The following MATCAP2 variants were observed in gnomAD, a reference collection of about 807,000 sequenced individuals.
MATCAP2 encodes the protein putative tyrosine carboxypeptidase MATCAP2.
the MATCAP2 span, among the ~76,000 whole-genome samples, chr7:36,352,860 GT>G: frequency 2.0e-5 from 3 of 151,250 alleles, no homozygotes; most frequent in East Asian, 5.9e-4. Context: ...TTTGTAGTTA[GT>G]AAATTACGAC....
At chr7:36,335,318 G>A in the MATCAP2 span, 2 of 803,964 alleles carry the variant, frequency 2.5e-6, no homozygotes, top group South Asian at 1.6e-5. Context: ...AAACCAAGAA[G>A]GAATGTGCAG....
chr7:36,380,219 A>G, the MATCAP2 span, among the ~76,000 whole-genome samples: 1 of 152,216 alleles, frequency 6.6e-6, no homozygotes. Flanking sequence ...TCAGGAATGA[A>G]CAGCAGGTGA....
At chr7:36,328,193 C>T in the MATCAP2 span, among the ~76,000 whole-genome samples, 5 of 143,536 alleles carry the variant, frequency 3.5e-5, no homozygotes, top group Non-Finnish European at 4.5e-5. Context: ...TTTAGCCTCC[C>T]TACAGACATG....
chr7:36,329,081 G>A, the MATCAP2 span, among the ~76,000 whole-genome samples: 58 of 151,970 alleles, frequency 3.8e-4, no homozygotes, highest in African/African-American at 1.3e-3. Context: ...AAGAACTCAT[G>A]TTCATATTAT....
chr7:36,357,624 TAAC>T, the MATCAP2 span: 1 of 1,480,062 alleles, frequency 6.8e-7, no homozygotes, highest in Non-Finnish European at 9.2e-7. Context: ...ACAAAAGAAA[TAAC>T]AAAGATACCA....
At chr7:36,328,239 T>TGGGGGGGGG in the MATCAP2 span, among the ~76,000 whole-genome samples, 1 of 25,248 alleles carries the variant, frequency 4.0e-5, no homozygotes, top group African/African-American at 1.0e-4. Context: ...TTTGTTTTTG[T>TGGGGGGGGG]AGGGGGGGGG....
the MATCAP2 span, chr7:36,336,339 T>C: frequency 7.2e-7 from 1 of 1,382,882 alleles, no homozygotes; most frequent in Non-Finnish European, 9.8e-7. Context: ...CAGCCTCATA[T>C]TACTTTGAGA....
At chr7:36,352,021 G>A in the MATCAP2 span, among the ~76,000 whole-genome samples, 2 of 149,962 alleles carry the variant, frequency 1.3e-5, no homozygotes, top group African/African-American at 2.5e-5. Context: ...GACATCTATC[G>A]ATATCAAATG....
chr7:36,356,632 C>T, the MATCAP2 span: 10 of 556,828 alleles, frequency 1.8e-5, no homozygotes, highest in East Asian at 2.6e-4. Context: ...CACATGAAAG[C>T]TTAGAACCAG....
At chr7:36,340,546 T>C in the MATCAP2 span, among the ~76,000 whole-genome samples, 1 of 152,340 alleles carries the variant, frequency 6.6e-6, no homozygotes, top group East Asian at 1.9e-4. Flanking sequence ...AATCTTAATA[T>C]TCAGCTTTAA....
chr7:36,384,898 G>T, the MATCAP2 span, among the ~76,000 whole-genome samples: 6 of 152,070 alleles, frequency 3.9e-5, no homozygotes, highest in Admixed American at 2.0e-4. Context: ...GTGATGTTAG[G>T]AGAATACTAG....
At chr7:36,351,941 T>TAAAAAA in the MATCAP2 span, among the ~76,000 whole-genome samples, 1 of 115,298 alleles carries the variant, frequency 8.7e-6, no homozygotes, top group South Asian at 3.1e-4. Context: ...GGGAGATTGT[T>TAAAAAA]AAAAAAAAAA....
At chr7:36,353,981 C>T in the MATCAP2 span, among the ~76,000 whole-genome samples, 1 of 152,194 alleles carries the variant, frequency 6.6e-6, no homozygotes, top group African/African-American at 2.4e-5. Flanking sequence ...ATGCACCTGA[C>T]CCCAAGTAGC....
the MATCAP2 span, chr7:36,357,493 C>T: frequency 1.9e-6 from 3 of 1,614,022 alleles, no homozygotes; most frequent in Non-Finnish European, 2.5e-6. Flanking sequence ...CTCCCGAGGA[C>T]AAATGTGAAA....
chr7:36,384,965 G>A, the MATCAP2 span, among the ~76,000 whole-genome samples: 2 of 152,000 alleles, frequency 1.3e-5, no homozygotes, highest in Non-Finnish European at 2.9e-5. Flanking sequence ...GGTATGATAA[G>A]GATATTATTG....
chr7:36,386,710 A>C, the MATCAP2 span, among the ~76,000 whole-genome samples: 9 of 152,338 alleles, frequency 5.9e-5, no homozygotes, highest in African/African-American at 1.9e-4. Context: ...TCCAATAAAT[A>C]AAAAATCATG....
At chr7:36,364,975 C>G in the MATCAP2 span, among the ~76,000 whole-genome samples, 1 of 152,108 alleles carries the variant, frequency 6.6e-6, no homozygotes, top group East Asian at 1.9e-4. Flanking sequence ...TCAGGGTTTG[C>G]AAACATACAG....
chr7:36,357,656 T>C, the MATCAP2 span: 2 of 1,176,878 alleles, frequency 1.7e-6, no homozygotes, highest in East Asian at 4.8e-5. Context: ...AAACTGTTTA[T>C]TAGGAAAGGT....
At chr7:36,371,085 AGG>A in the MATCAP2 span, among the ~76,000 whole-genome samples, 1 of 152,146 alleles carries the variant, frequency 6.6e-6, no homozygotes, top group Non-Finnish European at 1.5e-5. Context: ...GTTATGTTAT[AGG>A]TAAAGAACGT....
Sources: allele counts gnomAD v4.1 joint callset (sites outside exome capture counted in the v4.1 genomes callset), GRCh38; gene constraint gnomAD v4.1.1; transcripts MANE v1.5; gene names NCBI Gene and HGNC (gene_info 2026-07-23, HGNC 2026-07-21).